Variants in SEMA6D observed in about 807,000 individuals in gnomAD.
The protein encoded by SEMA6D is semaphorin-6D.
Under a neutral mutation model 106.6 loss-of-function variants are expected in SEMA6D, and 35 were observed. The observed-to-expected ratio is 0.33, with a 90% CI of 0.25 to 0.44. The LOEUF is 0.44. SEMA6D is among the 20% of genes least tolerant of loss of function. SEMA6D has a pLI of 1.00. For missense variants in SEMA6D, 1,185 were observed against 1,345.9 expected (o/e 0.88, Z 1.87); for synonymous variants, 499 against 487.7 (o/e 1.02, Z -0.31).
intron 4 of SEMA6D, among the ~76,000 whole-genome samples, chr15:47,659,842 A>C (rs962714894): frequency 6.6e-6 from 1 of 152,136 alleles, no homozygotes; most frequent in Non-Finnish European, 1.5e-5. Flanking sequence ...ATAAATTTTT[A>C]TACCCACAAA....
chr15:47,374,663 G>T (rs1363732170), intron 1 of SEMA6D, among the ~76,000 whole-genome samples: 1 of 152,158 alleles, frequency 6.6e-6, no homozygotes, highest in African/African-American at 2.4e-5. Context: ...CTATATGATT[G>T]CTGAGACCTT....
chr15:47,395,756 T>A (rs181803308), intron 1 of SEMA6D: 1 of 152,302 alleles, frequency 6.6e-6, no homozygotes, highest in Admixed American at 6.5e-5. Flanking sequence ...GCAAGGAGCA[T>A]AGAAATGCAG....
intron 1 of SEMA6D, among the ~76,000 whole-genome samples, chr15:47,360,259 A>G (rs1333453939): frequency 6.6e-6 from 1 of 152,172 alleles, no homozygotes; most frequent in Non-Finnish European, 1.5e-5. Flanking sequence ...TTCATATCAG[A>G]GTAAGTTTGT....
At chr15:47,216,493 C>T (rs2030619705) in intron 1 of SEMA6D, among the ~76,000 whole-genome samples, 1 of 152,056 alleles carries the variant, frequency 6.6e-6, no homozygotes, top group Non-Finnish European at 1.5e-5. Context: ...TTTTCCAAGC[C>T]AATTTAAGAG....
chr15:47,633,325 G>A (rs527827713), intron 4 of SEMA6D, among the ~76,000 whole-genome samples: 7 of 152,148 alleles, frequency 4.6e-5, no homozygotes, highest in African/African-American at 1.7e-4. Flanking sequence ...TTTTCTAACA[G>A]CAAATTATCT....
intron 1 of SEMA6D, among the ~76,000 whole-genome samples, chr15:47,186,816 C>A (rs1475467611): frequency 1.3e-5 from 2 of 152,130 alleles, no homozygotes; most frequent in African/African-American, 4.8e-5. Flanking sequence ...TCTGAAGTCT[C>A]CAGACTCCAA....
At chr15:47,710,635 A>G (rs1342249264) in intron 4 of SEMA6D, among the ~76,000 whole-genome samples, 2 of 152,216 alleles carry the variant, frequency 1.3e-5, no homozygotes, top group Non-Finnish European at 2.9e-5. Flanking sequence ...AGTGGCAATA[A>G]GATTTGAAAA....
chr15:47,323,196 A>C (rs1196109732), intron 1 of SEMA6D, among the ~76,000 whole-genome samples: 1 of 152,130 alleles, frequency 6.6e-6, no homozygotes, highest in Admixed American at 6.5e-5. Context: ...CCTGTTGTCC[A>C]GGTAGTAGGA....
intron 4 of SEMA6D, among the ~76,000 whole-genome samples, chr15:47,706,899 T>G (rs1047108536): frequency 6.6e-6 from 1 of 152,274 alleles, no homozygotes; most frequent in African/African-American, 2.4e-5. Flanking sequence ...CAAAGCACCC[T>G]GACCATTAAC....
At chr15:47,416,242 A>G (rs139652818) in intron 2 of SEMA6D, among the ~76,000 whole-genome samples, 33 of 152,222 alleles carry the variant, frequency 2.2e-4, no homozygotes, top group African/African-American at 7.0e-4. Flanking sequence ...ACCTTCTGTG[A>G]CAATTAAAAT....
chr15:47,633,857 T>C (rs1424729674), intron 4 of SEMA6D, among the ~76,000 whole-genome samples: 4 of 152,210 alleles, frequency 2.6e-5, no homozygotes, highest in African/African-American at 7.2e-5. Context: ...GTAAACTCTA[T>C]TGAGTTGTCC....
chr15:47,511,029 G>A (rs1025294697), intron 3 of SEMA6D, among the ~76,000 whole-genome samples: 1 of 152,162 alleles, frequency 6.6e-6, no homozygotes, highest in African/African-American at 2.4e-5. Flanking sequence ...GTATTCACAA[G>A]TGCCACCTTC....
intron 4 of SEMA6D, among the ~76,000 whole-genome samples, chr15:47,708,565 T>C (rs1224660): frequency 0.91 from 138,445 of 152,282 alleles, 63,529 homozygotes; most frequent in Non-Finnish European, 0.95. Flanking sequence ...TAACTCTTTG[T>C]ACATCTGTCT....
chr15:47,528,641 A>G (rs1173555577), intron 3 of SEMA6D, among the ~76,000 whole-genome samples: 2 of 152,184 alleles, frequency 1.3e-5, no homozygotes, highest in African/African-American at 4.8e-5. Flanking sequence ...AGGATAGATA[A>G]AAGGAAAGGC....
intron 1 of SEMA6D, among the ~76,000 whole-genome samples, chr15:47,238,782 G>C (rs1042320269): frequency 6.6e-6 from 1 of 152,132 alleles, no homozygotes; most frequent in African/African-American, 2.4e-5. Context: ...GCCTGCCTCA[G>C]AGTGGCCGAC....
chr15:47,324,806 A>G (rs1159173413), intron 1 of SEMA6D, among the ~76,000 whole-genome samples: 2 of 151,950 alleles, frequency 1.3e-5, no homozygotes, highest in South Asian at 2.1e-4. Flanking sequence ...ATATATATCT[A>G]GGTATATATA....
At chr15:47,649,759 A>G (rs1483159385) in intron 4 of SEMA6D, among the ~76,000 whole-genome samples, 1 of 152,232 alleles carries the variant, frequency 6.6e-6, no homozygotes, top group Non-Finnish European at 1.5e-5. Flanking sequence ...TGGCGGTTCA[A>G]TTTCATAATA....
chr15:47,353,460 CT>C (rs2038410117), intron 1 of SEMA6D, among the ~76,000 whole-genome samples: 2 of 152,152 alleles, frequency 1.3e-5, no homozygotes, highest in Non-Finnish European at 2.9e-5. Context: ...TCCTTGCTTT[CT>C]ACCTGGATAC....
intron 1 of SEMA6D, among the ~76,000 whole-genome samples, chr15:47,376,617 C>T (rs1377831704): frequency 6.6e-6 from 1 of 152,170 alleles, no homozygotes; most frequent in Non-Finnish European, 1.5e-5. Flanking sequence ...GAAAACTGCT[C>T]TTCTTTCTGC....
Sources: allele counts gnomAD v4.1 joint callset (sites outside exome capture counted in the v4.1 genomes callset), GRCh38; gene constraint gnomAD v4.1.1; transcripts MANE v1.5; gene names NCBI Gene and HGNC (gene_info 2026-07-23, HGNC 2026-07-21).